Variants in CENPP observed in about 807,000 individuals in gnomAD.
CENPP encodes the protein centromere protein P.
In CENPP, 24 loss-of-function variants were observed where a neutral mutation model predicts 35.6. The observed-to-expected ratio is 0.67, with a 90% CI of 0.49 to 0.95. CENPP has a LOEUF of 0.95. Among genes scored for constraint, CENPP ranks in the 40% least tolerant of loss-of-function variants. The pLI is 0.00. For missense variants in CENPP, 332 were observed against 345.3 expected, an observed-to-expected ratio of 0.96 and a Z score of 0.31; for synonymous variants, 120 against 125.5, an observed-to-expected ratio of 0.96 and a Z score of 0.29.
intron 7 of CENPP, 64 bp from the exon 8 acceptor site, chr9:92,612,955 G>C (rs1303134720): frequency 1.9e-6 from 3 of 1,602,346 alleles, no homozygotes; most frequent in Non-Finnish European, 2.6e-6. Context: ...CATGCCAGCA[G>C]AAAACAAAAG....
At chr9:92,542,170 C>T (rs1219855852) in intron 5 of CENPP, among the ~76,000 whole-genome samples, 1 of 152,150 alleles carries the variant, frequency 6.6e-6, no homozygotes, top group Non-Finnish European at 1.5e-5. Context: ...TGAGGAACCT[C>T]CATACAGTAT....
chr9:92,454,444 T>C (rs1268937595), intron 5 of CENPP, among the ~76,000 whole-genome samples: 1 of 152,190 alleles, frequency 6.6e-6, no homozygotes, highest in Admixed American at 6.5e-5. Context: ...TTTCAAGATG[T>C]TGGGTTTTTT....
At chr9:92,396,405 A>T (rs571823396) in intron 5 of CENPP, among the ~76,000 whole-genome samples, 119 of 151,818 alleles carry the variant, frequency 7.8e-4, no homozygotes, top group African/African-American at 2.7e-3. Context: ...TAGGATTTTG[A>T]TTGGGATTGT....
At chr9:92,516,298 T>C (rs1268579370) in intron 5 of CENPP, among the ~76,000 whole-genome samples, 1 of 151,946 alleles carries the variant, frequency 6.6e-6, no homozygotes, top group Admixed American at 6.6e-5. Flanking sequence ...CACCTGACCT[T>C]GTGATCCTCC....
Position 92,552,215 on chromosome 9 carries a change from A to ACACC in CENPP, c.565-59098_565-59097insACCC, listed in dbSNP as rs896731912. Among the ~76,000 whole-genome samples the ACACC allele has an allele frequency of 1.0e-3, 148 of 146,888 alleles. 4 individuals are homozygous for ACACC. Among genetic ancestry groups the ACACC allele is most frequent in the Middle Eastern group, 3.5e-3 (1 of 286 alleles). On this transcript the variant is annotated intron_variant, in intron 5 of 7. Coordinates refer to ENST00000375587, the MANE Select transcript of CENPP (RefSeq NM_001012267.3). Reference sequence around the variant, plus strand: ...TACACACACACACACACACACACACACCCCACAGTTTCTTTATCCACTTGT... The same window carrying ACACC: ...TACACACACACACACACACACACACACACCCCCCACAGTTTCTTTATCCACTTGT...
In CENPP at chr9:92,569,254, T is replaced by G. The variant is rs1381793425; in HGVS notation, c.565-42060T>G. 2.6e-5 allele frequency among the ~76,000 whole-genome samples: 4 copies of G among 152,336 alleles called. No individual in the cohort carries two copies. The South Asian group carries it at 6.2e-4, about 24-fold the overall frequency. ...CTCTAATTCATCTTGAATTAATTTTTGTATAAGGTGTAAGGAAGGGATCCA... is the reference window on the plus strand; with the variant it reads ...CTCTAATTCATCTTGAATTAATTTTGGTATAAGGTGTAAGGAAGGGATCCA... On this transcript the variant is annotated intron_variant, in intron 5 of 7. Transcript: ENST00000375587.
At chr9:92,515,281 GT>G in intron 5 of CENPP, 1 of 1,379,860 alleles carries the variant, frequency 7.2e-7, no homozygotes, top group Non-Finnish European at 9.3e-7. Flanking sequence ...TGAAAATGAG[GT>G]TAGTAAATAT....
intron 5 of CENPP, among the ~76,000 whole-genome samples, chr9:92,395,154 C>G (rs1276642612): frequency 6.6e-6 from 1 of 152,136 alleles, no homozygotes; most frequent in Non-Finnish European, 1.5e-5. Flanking sequence ...AATTAACATA[C>G]CTGTCACTCC....
At chr9:92,526,654 A>G (rs919958272) in intron 5 of CENPP, among the ~76,000 whole-genome samples, 1 of 151,982 alleles carries the variant, frequency 6.6e-6, no homozygotes, top group Non-Finnish European at 1.5e-5. Flanking sequence ...AAAAAAATCA[A>G]GAAGCCTTTA....
At chr9:92,546,660 T>C (rs1023695022) in intron 5 of CENPP, among the ~76,000 whole-genome samples, 3 of 152,128 alleles carry the variant, frequency 2.0e-5, no homozygotes, top group African/African-American at 7.2e-5. Context: ...CTTTAAGAAC[T>C]GTAACACTCA....
At chr9:92,406,109 T>C (rs1209446047) in intron 5 of CENPP, among the ~76,000 whole-genome samples, 1 of 151,928 alleles carries the variant, frequency 6.6e-6, no homozygotes, top group Non-Finnish European at 1.5e-5. Context: ...ATAGAGAGGA[T>C]AGGAGAGGAG....
At chr9:92,444,032 A>G (rs1178626670) in intron 5 of CENPP, among the ~76,000 whole-genome samples, 2 of 152,182 alleles carry the variant, frequency 1.3e-5, no homozygotes, top group African/African-American at 4.8e-5. Flanking sequence ...ACTCAGAAAT[A>G]AACTCGACAT....
intron 5 of CENPP, among the ~76,000 whole-genome samples, chr9:92,567,399 T>TAGATAGATAGATAG (rs34193112): frequency 0.063 from 8,621 of 135,944 alleles, 409 homozygotes; most frequent in Non-Finnish European, 0.092. Context: ...TATATATAGA[T>TAGATAGATAGATAG]ATATATATAA....
chr9:92,492,561 A>G (rs557152559), intron 5 of CENPP, among the ~76,000 whole-genome samples: 47 of 152,296 alleles, frequency 3.1e-4, no homozygotes, highest in African/African-American at 1.1e-3. Flanking sequence ...GAGCCATTTG[A>G]TGATGCCATT....
intron 4 of CENPP, among the ~76,000 whole-genome samples, chr9:92,373,386 C>T (rs1395141029): frequency 6.6e-6 from 1 of 151,986 alleles, no homozygotes; most frequent in African/African-American, 2.4e-5. Context: ...TTTATATTTC[C>T]TTCAGTGATT....
chr9:92,403,147 C>T lies in CENPP; in HGVS notation c.564+23288C>T, dbSNP rs985333299. On this transcript the variant is annotated intron_variant, in intron 5 of 7. Coordinates refer to ENST00000375587, the MANE Select transcript of CENPP (RefSeq NM_001012267.3). ...TTAAAGTGATTTTCCCTTCCCCTTA[C>T]CTTATCAGACACATTCAGGAAAAGC... is the stretch of plus-strand genomic sequence containing the variant. 8.6e-6 allele frequency: 7 copies of T among 816,338 alleles called. No individual in the cohort carries two copies. In the Admixed American group the frequency reaches 1.9e-4, roughly 23 times the overall value. The allele number at this position is 816,338 out of a possible 1,614,324, so 50.6% of individuals were successfully genotyped here. A position where few individuals can be genotyped will look rare whatever the true frequency, so the allele number is the denominator to read the frequency against.
rs750828863 is a variant in CENPP, at chr9:92,613,005, T to C, written c.737-14T>C. The C allele has an allele frequency of 1.2e-6, 2 of 1,613,864 alleles. No individual in the cohort carries two copies. Among genetic ancestry groups the C allele is most frequent in the Non-Finnish European group, 1.7e-6 (2 of 1,179,952 alleles). ...CCTTGAAGTTTCTTACCCGGTTTAA[T>C]GTTTTCTTTATAGCCCTGGAGCTGG... On this transcript the variant is annotated splice_polypyrimidine_tract_variant and intron_variant, in intron 7 of 7. Coordinates refer to ENST00000375587, the MANE Select transcript of CENPP (RefSeq NM_001012267.3).
In CENPP at chr9:92,611,322, C is replaced by T; in HGVS notation, c.573C>T (p.Tyr191=). ...TTCTTCTCCCCATGCAGGAAAAGTA[C>T]CCAGATGCCGTGTACCTCTCGGAGG... ...KRTFKHLKEK[Y]PDAVYLSEGP... is the part of the protein sequence containing the mutation. The change falls in exon 6 of 8, where the codon TAC becomes TAT. Residue 191 remains tyrosine (Y), a synonymous_variant. Transcript: ENST00000375587. 1.2e-6 allele frequency: 2 copies of T among 1,613,678 alleles called. No homozygotes were observed. The highest frequency in any genetic ancestry group is 1.7e-6 in the Non-Finnish European group (2 of 1,179,852).
chr9:92,601,061 G>A, intron 5 of CENPP, among the ~76,000 whole-genome samples: 1 of 152,166 alleles, frequency 6.6e-6, no homozygotes, highest in Non-Finnish European at 1.5e-5. Context: ...CGCTAGGTCT[G>A]TGTTTGCGTG....
Sources: gnomAD v4.1 joint callset for allele counts (sites outside exome capture counted in the v4.1 genomes callset) on GRCh38, gnomAD v4.1.1 for gene constraint, MANE v1.5 for transcripts, NCBI Gene and HGNC (gene_info 2026-07-23, HGNC 2026-07-21) for gene names.